Variants in MAPT observed in about 807,000 individuals in gnomAD.
MAPT encodes the protein microtubule-associated protein tau.
MAPT carries 34 observed loss-of-function variants against 67.9 expected under a neutral mutation model. The ratio of observed to expected loss-of-function variants is 0.50; its 90% CI spans 0.38 to 0.67. The LOEUF (loss-of-function observed/expected upper bound fraction) is 0.67, where lower values mean the gene tolerates loss of function less well. MAPT is among the 30% of genes least tolerant of loss of function. MAPT has a pLI of 0.00. For synonymous variants in MAPT, 456 were observed against 464.5 expected (o/e 0.98, Z 0.23); for missense variants, 881 against 1,115.2 (o/e 0.79, Z 2.99).
At chr17:45,946,688 G>T (rs2068549620) in intron 1 of MAPT, among the ~76,000 whole-genome samples, 1 of 146,614 alleles carries the variant, frequency 6.8e-6, no homozygotes, top group South Asian at 2.1e-4. Flanking sequence ...AAAAACAAAG[G>T]CCATCCAAGC....
At chr17:45,994,652 G>A (rs1207498289) in intron 8 of MAPT, among the ~76,000 whole-genome samples, 3 of 151,984 alleles carry the variant, frequency 2.0e-5, no homozygotes, top group East Asian at 1.9e-4. Context: ...GTCAGACCCC[G>A]TCTCTATAAA....
At chr17:45,956,907 TCCCTA>T (rs2069795256) in intron 1 of MAPT, among the ~76,000 whole-genome samples, 1 of 151,848 alleles carries the variant, frequency 6.6e-6, no homozygotes, top group Admixed American at 6.6e-5. Flanking sequence ...TTCATCCATG[TCCCTA>T]CAAAGGACAT....
At chr17:45,908,491 A>G (rs1275523784) in intron 1 of MAPT, 1 of 152,188 alleles carries the variant, frequency 6.6e-6, no homozygotes, top group Non-Finnish European at 1.5e-5. Context: ...GGAGGTGAGG[A>G]GACTGAGTCT....
In MAPT at chr17:46,024,702, C is replaced by A; in HGVS notation, c.*531C>A. On this transcript the variant is annotated 3_prime_UTR_variant, in exon 13 of 13. Transcript: ENST00000262410. Reference sequence around the variant, plus strand: ...CGGGGGTTGGGGTGGGGCGGGAGGCCACGGGGGAGGCCGAGGCAGGGGCTG... The same window carrying A: ...CGGGGGTTGGGGTGGGGCGGGAGGCAACGGGGGAGGCCGAGGCAGGGGCTG... 1 of 162,926 alleles carries A rather than the reference C, an allele frequency of 6.1e-6. No individual in the cohort carries two copies. The highest frequency in any genetic ancestry group is 6.6e-5 in the Admixed American group (1 of 15,222). The allele number at this position is 162,926 out of a possible 1,614,324, so 10.1% of individuals were successfully genotyped here.
chr17:45,997,591 C>T (rs890157406), intron 9 of MAPT, among the ~76,000 whole-genome samples: 6 of 152,184 alleles, frequency 3.9e-5, no homozygotes, highest in Admixed American at 6.5e-5. Context: ...AACCTCGTCT[C>T]TACTAAAAAT....
At chr17:45,956,206 G>A (rs2069634899) in intron 1 of MAPT, among the ~76,000 whole-genome samples, 1 of 152,234 alleles carries the variant, frequency 6.6e-6, no homozygotes. Context: ...TGAGCTGAAG[G>A]ATGGGGGTGC....
chr17:46,007,362 C>T (rs892721817), intron 9 of MAPT, among the ~76,000 whole-genome samples: 20 of 151,922 alleles, frequency 1.3e-4, no homozygotes, highest in Non-Finnish European at 2.9e-4. Flanking sequence ...TAGCACATAC[C>T]GGTAGTTCCA....
intron 9 of MAPT, among the ~76,000 whole-genome samples, chr17:45,998,020 A>G (rs1415235900): frequency 6.6e-6 from 1 of 152,152 alleles, no homozygotes; most frequent in Non-Finnish European, 1.5e-5. Context: ...GAGAAGGACC[A>G]CAGCTCACTC....
At chr17:45,922,486 A>AACACACACACACACACACAC (rs59017604) in intron 1 of MAPT, among the ~76,000 whole-genome samples, 4,910 of 146,482 alleles carry the variant, frequency 0.034, 115 homozygotes, top group Middle Eastern at 0.083. Flanking sequence ...CTAGCTAGAG[A>AACACACACACACACACACAC]ACACACACAC....
chr17:45,983,475 T>G lies in MAPT; in HGVS notation c.896T>G (p.Val299Gly), dbSNP rs141120474. The G allele has an allele frequency of 3.2e-3, 5,087 of 1,609,378 alleles. 5 individuals are homozygous for G. Among genetic ancestry groups the G allele is most frequent in the Non-Finnish European group, 3.9e-3 (4,641 of 1,177,436 alleles). ...GAGGAGGTGGATGAAGACCGCGACG[T>G]CGATGAGTCCTCCCCCCAAGACTCC... ...SKEEVDEDRDVDESSPQDSPP... is the reference protein window; with the variant it reads ...SKEEVDEDRDGDESSPQDSPP... The change falls in exon 5 of 13, where the codon GTC becomes GGC. Residue 299 changes from valine to glycine, a missense_variant. This residue lies in a region of MAPT where 687 missense variants were observed against 766.1 expected (regional missense o/e 0.90). Coordinates refer to ENST00000262410, the MANE Select transcript of MAPT (RefSeq NM_001377265.1).
intron 1 of MAPT, 41 bp from the exon 2 acceptor site, chr17:45,962,280 C>G: frequency 1.9e-6 from 3 of 1,574,204 alleles, no homozygotes; most frequent in Admixed American, 1.7e-5. Flanking sequence ...CTCTGCCCCC[C>G]AACACTCCTC....
intron 1 of MAPT, among the ~76,000 whole-genome samples, chr17:45,914,559 C>T (rs1458443017): frequency 1.3e-5 from 2 of 152,050 alleles, no homozygotes; most frequent in Non-Finnish European, 1.5e-5. Context: ...GGAAGGCCAG[C>T]GCATGCAACA....
At chr17:45,944,269 G>A (rs2068255695) in intron 1 of MAPT, among the ~76,000 whole-genome samples, 1 of 152,198 alleles carries the variant, frequency 6.6e-6, no homozygotes, top group African/African-American at 2.4e-5. Context: ...CCCCACCAGG[G>A]CTTCTGACTC....
intron 3 of MAPT, chr17:45,976,406 C>T (rs2072355431): frequency 6.6e-6 from 1 of 152,270 alleles, no homozygotes; most frequent in Non-Finnish European, 1.5e-5. Flanking sequence ...ACCCCCAAGC[C>T]ACTCTCTCCA....
At chr17:45,939,915 A>G (rs1246423291) in intron 1 of MAPT, among the ~76,000 whole-genome samples, 1 of 152,134 alleles carries the variant, frequency 6.6e-6, no homozygotes, top group Non-Finnish European at 1.5e-5. Flanking sequence ...CTGTGGAGAG[A>G]CATGTACTTA....
intron 10 of MAPT, among the ~76,000 whole-genome samples, chr17:46,011,018 G>A (rs1362235053): frequency 6.6e-6 from 1 of 152,248 alleles, no homozygotes; most frequent in Non-Finnish European, 1.5e-5. Context: ...GACTCCAGAT[G>A]CAAAGAGCCA....
intron 1 of MAPT, among the ~76,000 whole-genome samples, chr17:45,904,942 G>A (rs2064199068): frequency 6.6e-6 from 1 of 152,052 alleles, no homozygotes; most frequent in African/African-American, 2.4e-5. Flanking sequence ...TGGTGTAGTC[G>A]CATGTGAACC....
chr17:45,926,479 T>A (rs968548131), intron 1 of MAPT, among the ~76,000 whole-genome samples: 2 of 151,920 alleles, frequency 1.3e-5, no homozygotes, highest in African/African-American at 4.8e-5. Context: ...TGGCTAATTT[T>A]TTTTATTTTT....
chr17:45,932,290 C>G (rs1468243965), intron 1 of MAPT, among the ~76,000 whole-genome samples: 1 of 151,702 alleles, frequency 6.6e-6, no homozygotes, highest in Non-Finnish European at 1.5e-5. Flanking sequence ...AAATTCTGAA[C>G]CATTAAGAAT....
Sources: gnomAD v4.1 joint callset for allele counts (sites outside exome capture counted in the v4.1 genomes callset) on GRCh38, gnomAD v4.1.1 for gene constraint, gnomAD v4.1.1 regional missense constraint, MANE v1.5 for transcripts, NCBI Gene and HGNC (gene_info 2026-07-23, HGNC 2026-07-21) for gene names.